MMP16: variants seen among roughly 807,000 people sequenced by gnomAD.
MMP16 encodes the protein matrix metallopeptidase 16, also known as matrix metalloproteinase-16.
MMP16 carries 12 observed loss-of-function variants against 67.8 expected under a neutral mutation model. The observed-to-expected ratio is 0.18, with a 90% CI of 0.11 to 0.29. The LOEUF is 0.29. Ranked by LOEUF, MMP16 falls within the 10% of genes least tolerant of loss-of-function variation. MMP16 has a pLI of 1.00. For missense variants in MMP16, 475 were observed against 765.7 expected (o/e 0.62, Z 4.48); for synonymous variants, 249 against 255.9 (o/e 0.97, Z 0.26).
At chr8:88,228,161 A>T (rs1809800094) in intron 1 of MMP16, among the ~76,000 whole-genome samples, 1 of 152,126 alleles carries the variant, frequency 6.6e-6, no homozygotes, top group Non-Finnish European at 1.5e-5. Flanking sequence ...AAGCATTCTC[A>T]TATGCTGCTA....
chr8:88,199,610 C>T (rs577002656), intron 1 of MMP16, among the ~76,000 whole-genome samples: 84 of 152,088 alleles, frequency 5.5e-4, no homozygotes, highest in Non-Finnish European at 9.0e-4. Flanking sequence ...TATCTTTCCC[C>T]TTACCCTAGT....
At chr8:88,306,524 T>C (rs1811214133) in intron 1 of MMP16, among the ~76,000 whole-genome samples, 1 of 151,934 alleles carries the variant, frequency 6.6e-6, no homozygotes, top group African/African-American at 2.4e-5. Context: ...GATGTAAAAA[T>C]CCTCAGTAAA....
intron 7 of MMP16, among the ~76,000 whole-genome samples, chr8:88,057,373 C>A (rs1040310013): frequency 2.6e-5 from 4 of 152,028 alleles, no homozygotes; most frequent in South Asian, 4.1e-4. Flanking sequence ...TGCAGTATCT[C>A]CACTAATATT....
intron 1 of MMP16, among the ~76,000 whole-genome samples, chr8:88,262,973 C>T (rs930781320): frequency 1.3e-5 from 2 of 150,988 alleles, no homozygotes; most frequent in South Asian, 2.1e-4. Flanking sequence ...TGCAGTGAGC[C>T]GAGATCGCGC....
intron 6 of MMP16, among the ~76,000 whole-genome samples, chr8:88,087,168 A>T (rs1477916): frequency 0.49 from 74,881 of 151,664 alleles, 19,058 homozygotes; most frequent in East Asian, 0.59. Context: ...GCCTACTTAG[A>T]TTATAAATCA....
chr8:88,174,973 C>T lies in MMP16; in HGVS notation c.405-7000G>A, dbSNP rs373749923. 2.4e-3 allele frequency among the ~76,000 whole-genome samples: 363 copies of T among 152,134 alleles called. 2 individuals carry two copies. The highest frequency in any genetic ancestry group is 0.024 in the Middle Eastern group (7 of 294). On this transcript the variant is annotated intron_variant, in intron 3 of 9. Transcript: ENST00000286614. ...TTCACCATGTTGGTCAGGCTGGTCTCGAACTCCTGACCTCAAGTGATATGT... is the reference window on the plus strand; with the variant it reads ...TTCACCATGTTGGTCAGGCTGGTCTTGAACTCCTGACCTCAAGTGATATGT...
At chr8:88,134,609 C>T (rs865972168) in intron 4 of MMP16, among the ~76,000 whole-genome samples, 19 of 151,174 alleles carry the variant, frequency 1.3e-4, no homozygotes, top group Admixed American at 4.0e-4. Context: ...TATCTATCTC[C>T]TCTCTATATA....
intron 1 of MMP16, among the ~76,000 whole-genome samples, chr8:88,277,614 C>A (rs532909719): frequency 2.6e-5 from 4 of 152,184 alleles, no homozygotes; most frequent in African/African-American, 9.6e-5. Context: ...CATACAAGTG[C>A]CTTTGTAAAC....
chr8:88,048,521 T>C (rs1808227523), intron 8 of MMP16, among the ~76,000 whole-genome samples: 1 of 152,220 alleles, frequency 6.6e-6, no homozygotes, highest in African/African-American at 2.4e-5. Flanking sequence ...CTCTATGCAT[T>C]ATTTTATTTA....
At chr8:88,202,178 T>C (rs1809354113) in intron 1 of MMP16, among the ~76,000 whole-genome samples, 2 of 152,180 alleles carry the variant, frequency 1.3e-5, no homozygotes, top group Non-Finnish European at 2.9e-5. Flanking sequence ...TTTAATGGCT[T>C]CTTGAAATGG....
chr8:88,257,463 A>C (rs1413277898), intron 1 of MMP16, among the ~76,000 whole-genome samples: 1 of 152,244 alleles, frequency 6.6e-6, no homozygotes, highest in African/African-American at 2.4e-5. Context: ...TGAAAAGTCA[A>C]ATCTAGTTTA....
chr8:88,160,782 G>A (rs886345957), intron 4 of MMP16, among the ~76,000 whole-genome samples: 1 of 151,910 alleles, frequency 6.6e-6, no homozygotes, highest in African/African-American at 2.4e-5. Flanking sequence ...CCCATTACTG[G>A]GTATATACCC....
intron 1 of MMP16, among the ~76,000 whole-genome samples, chr8:88,226,320 T>C (rs1399405445): frequency 6.6e-6 from 1 of 152,078 alleles, no homozygotes; most frequent in Non-Finnish European, 1.5e-5. Context: ...ATAAAACAGC[T>C]ATCACTTATT....
chr8:88,289,348 G>T (rs1810884436), intron 1 of MMP16, among the ~76,000 whole-genome samples: 1 of 152,032 alleles, frequency 6.6e-6, no homozygotes, highest in Non-Finnish European at 1.5e-5. Context: ...TGGAGAAAAA[G>T]GAACATTTTA....
Position 88,039,649 on chromosome 8 carries a change from A to C in MMP16, c.*1812T>G, listed in dbSNP as rs891287197. 1 of 152,612 alleles carries C rather than the reference A, an allele frequency of 6.6e-6. No homozygotes were observed. The highest frequency in any genetic ancestry group is 1.5e-5 in the Non-Finnish European group (1 of 68,048). 9.5% of individuals were successfully genotyped at this position (152,612 alleles called of 1,614,324 possible). On this transcript the variant is annotated 3_prime_UTR_variant, in exon 10 of 10. Coordinates refer to ENST00000286614, the MANE Select transcript of MMP16 (RefSeq NM_005941.5). This position sits in a 1 kb window ranked among gnomAD's most constrained non-coding sequence, Gnocchi z 4.5. Reference sequence around the variant, plus strand: ...AAGCTGTTCATTGTTTCAAAAGCTAATCCCCTCAAAGCTGGCTTTCACACA... The same window carrying C: ...AAGCTGTTCATTGTTTCAAAAGCTACTCCCCTCAAAGCTGGCTTTCACACA...
chr8:88,322,919 T>C (rs534934844), intron 1 of MMP16, among the ~76,000 whole-genome samples: 22 of 152,210 alleles, frequency 1.4e-4, no homozygotes, highest in African/African-American at 4.8e-4. Context: ...CTTAAAACAA[T>C]TGAGACTCTT....
chr8:88,300,814 G>A (rs1217971893), intron 1 of MMP16, among the ~76,000 whole-genome samples: 1 of 152,070 alleles, frequency 6.6e-6, no homozygotes, highest in African/African-American at 2.4e-5. Context: ...CTCCAAGATT[G>A]AGGAAAGGCC....
intron 4 of MMP16, among the ~76,000 whole-genome samples, chr8:88,141,896 C>T (rs1235412236): frequency 6.6e-6 from 1 of 151,374 alleles, no homozygotes; most frequent in Non-Finnish European, 1.5e-5. Flanking sequence ...GAGTGGTAAA[C>T]TAAATTTTAT....
At chr8:88,211,561 G>A (rs1809513164) in intron 1 of MMP16, among the ~76,000 whole-genome samples, 1 of 152,060 alleles carries the variant, frequency 6.6e-6, no homozygotes, top group Admixed American at 6.6e-5. Context: ...GAATGGAAAT[G>A]GAATCTTAAA....
Sources: allele counts gnomAD v4.1 joint callset (sites outside exome capture counted in the v4.1 genomes callset), GRCh38; gene constraint gnomAD v4.1.1; non-coding constraint Gnocchi (gnomAD v3.1); transcripts MANE v1.5; gene names NCBI Gene and HGNC (gene_info 2026-07-23, HGNC 2026-07-21).